ABCA9: variants seen among roughly 807,000 people sequenced by gnomAD.
The protein encoded by ABCA9 is ATP binding cassette subfamily A member 9, also known as ATP-binding cassette sub-family A member 9.
In ABCA9, 183 loss-of-function variants were observed where a neutral mutation model predicts 205.3. That is an observed-to-expected ratio of 0.89 (90% CI 0.79 to 1.01). The LOEUF (loss-of-function observed/expected upper bound fraction) is 1.01. Ranked by LOEUF, ABCA9 falls within the 50% of genes least tolerant of loss-of-function variation. The pLI, the probability that ABCA9 is intolerant of heterozygous loss-of-function variation, is 0.00. For missense variants in ABCA9, 1,805 were observed against 1,912.4 expected, an observed-to-expected ratio of 0.94 and a Z score of 1.05; for synonymous variants, 651 against 683.3, an observed-to-expected ratio of 0.95 and a Z score of 0.74.
chr17:68,984,253 G>C, intron 34 of ABCA9, 78 bp from the exon 35 acceptor site: 1 of 1,566,020 alleles, frequency 6.4e-7, no homozygotes, highest in Non-Finnish European at 8.7e-7. Flanking sequence ...AGTTTCCATC[G>C]ACGCAAAGAT....
At chr17:69,061,178 T>A (rs72559413), upstream of ABCA9, 1 of 983,468 alleles carries the variant, frequency 1.0e-6, no homozygotes, top group East Asian at 1.1e-4. Flanking sequence ...TTAGGAACTA[T>A]CAAACCAAGG....
intron 37 of ABCA9, among the ~76,000 whole-genome samples, chr17:68,979,625 T>C (rs71480258): frequency 0.018 from 2,703 of 151,968 alleles, 89 homozygotes; most frequent in African/African-American, 0.06. Context: ...TCAGAAATAA[T>C]GCCACATATC....
chr17:69,032,422 GACACAC>G (rs1335902452), intron 9 of ABCA9, 146 bp from the exon 10 acceptor site: 1 of 705,758 alleles, frequency 1.4e-6, no homozygotes, highest in African/African-American at 1.8e-5. Flanking sequence ...ATGTGCTTTT[GACACAC>G]ACAGAACAGT....
At chr17:69,027,557 G>A (rs1223094182) in intron 13 of ABCA9, 83 bp downstream of exon 13, 1 of 1,558,706 alleles carries the variant, frequency 6.4e-7, no homozygotes. Context: ...TTTAGATGAG[G>A]AATTATGTAT....
At chr17:68,980,815 A>T (rs1236221898) in intron 37 of ABCA9, among the ~76,000 whole-genome samples, 1 of 151,560 alleles carries the variant, frequency 6.6e-6, no homozygotes, top group South Asian at 2.1e-4. Flanking sequence ...CCTAATGTTA[A>T]ATGACGAGTT....
At chr17:69,014,966 C>T (rs917572798) in intron 22 of ABCA9, among the ~76,000 whole-genome samples, 4 of 152,094 alleles carry the variant, frequency 2.6e-5, no homozygotes, top group African/African-American at 9.7e-5. Context: ...ACATGGGTCA[C>T]CTGGGCTGTG....
chr17:69,016,436 C>G, intron 21 of ABCA9, 46 bp from the exon 22 acceptor site: 1 of 1,499,974 alleles, frequency 6.7e-7, no homozygotes, highest in East Asian at 2.5e-5. Context: ...AAAGCAAAGA[C>G]AAAATTTAAT....
intron 6 of ABCA9, among the ~76,000 whole-genome samples, chr17:69,039,283 T>C (rs557555876): frequency 6.6e-6 from 1 of 152,286 alleles, no homozygotes; most frequent in South Asian, 2.1e-4. Context: ...AGAACAAAGC[T>C]GGAGGCATCA....
chr17:69,077,026 TTTTAG>T, the ABCA9 span, among the ~76,000 whole-genome samples: 1 of 152,148 alleles, frequency 6.6e-6, no homozygotes, highest in Non-Finnish European at 1.5e-5. Context: ...TCTGCACTGA[TTTTAG>T]TTATTTCTTT....
At chr17:69,022,180 TA>T (rs1207196945) in intron 17 of ABCA9, 2 of 153,278 alleles carry the variant, frequency 1.3e-5, no homozygotes, top group Admixed American at 6.5e-5. Flanking sequence ...TTCAACTAAT[TA>T]AAAAAATATT....
In ABCA9 at chr17:68,982,551, G is replaced by A. The variant is rs573643226; in HGVS notation, c.4720+11C>T. 1 of 1,608,154 alleles carries A rather than the reference G, an allele frequency of 6.2e-7. No individual in the cohort carries two copies. Among genetic ancestry groups the A allele is most frequent in the African/African-American group, 1.3e-5 (1 of 74,898 alleles). On this transcript the variant is annotated intron_variant, in intron 37 of 38. Transcript: ENST00000340001. ...TTTCCCAGAGTTTTGTCTCTAAACA[G>A]TCACTCTTACCTATCTCTAATTTGA...
rs966613009 is a variant in ABCA9, at chr17:69,012,012, A to G, written c.3111T>C (p.Thr1037=). Residue 1037 remains threonine (T), a synonymous_variant, in exon 23 of 39, where the codon ACT becomes ACC. Coordinates refer to ENST00000340001, the MANE Select transcript of ABCA9 (RefSeq NM_080283.4). The part of the protein sequence containing the change: ...FFWIPMAASF[T]PYIAMSSIGD... The stretch of plus-strand genomic sequence containing the variant: ...CAATGCTGCTCATTGCAATGTATGG[A>G]GTGAAAGAGGCTGCCATCGGTATCC... The G allele has an allele frequency of 3.7e-6, 6 of 1,612,962 alleles. No individual in the cohort carries two copies.
the ABCA9 span, among the ~76,000 whole-genome samples, chr17:69,078,069 T>TA: frequency 7.9e-5 from 12 of 152,090 alleles, no homozygotes; most frequent in East Asian, 1.9e-4. Flanking sequence ...ATGCAAAATT[T>TA]AAAAAATCTG....
rs1332540021 is a variant in ABCA9 at position 69,016,269 on chromosome 17, C to T, written c.3023G>A (p.Arg1008Lys). ...FNSSEHIQTD[R>K]STFFEEHMDY... Reference sequence around the variant, plus strand: ...TATACTTACTTCAAAAAATGTGCTTCTGTCAGTCTGAATGTGTTCTGACGA... The same window carrying T: ...TATACTTACTTCAAAAAATGTGCTTTTGTCAGTCTGAATGTGTTCTGACGA... Residue 1008 changes from arginine to lysine, a missense_variant, in exon 22 of 39, where the codon AGA (arginine) becomes AAA (lysine). By Grantham distance (26) the Arg-to-Lys change is conservative. Transcript: ENST00000340001. 2.5e-6 allele frequency: 4 copies of T among 1,579,424 alleles called. No individual in the cohort carries two copies. In the Admixed American group the frequency reaches 5.8e-5, roughly 23 times the overall value.
intron 37 of ABCA9, among the ~76,000 whole-genome samples, chr17:68,981,590 T>C (rs1043817265): frequency 2.0e-5 from 3 of 151,956 alleles, no homozygotes; most frequent in Non-Finnish European, 4.4e-5. Context: ...AAAAACCTAT[T>C]TGGGTGATCC....
intron 18 of ABCA9, among the ~76,000 whole-genome samples, chr17:69,021,246 A>G (rs1407141546): frequency 1.2e-4 from 18 of 152,138 alleles, no homozygotes; most frequent in Admixed American, 1.2e-3. Flanking sequence ...TAAAGAGCAC[A>G]GTAAAGAGTA....
chr17:68,984,683 C>T (rs369305209), intron 34 of ABCA9, among the ~76,000 whole-genome samples: 9 of 152,156 alleles, frequency 5.9e-5, no homozygotes, highest in African/African-American at 1.2e-4. Flanking sequence ...AAAAATTATT[C>T]GAGCAAATAT....
chr17:69,007,522 A>G (rs1396945755), intron 25 of ABCA9, among the ~76,000 whole-genome samples: 1 of 152,236 alleles, frequency 6.6e-6, no homozygotes, highest in Non-Finnish European at 1.5e-5. Context: ...AATTGCTAGA[A>G]GCAGAAGTCT....
At chr17:68,999,490 T>G (rs1598350203) in intron 25 of ABCA9, among the ~76,000 whole-genome samples, 1 of 138,538 alleles carries the variant, frequency 7.2e-6, no homozygotes, top group South Asian at 2.5e-4. Flanking sequence ...TATTCCATGG[T>G]GTATATGTGC....
Sources: gnomAD v4.1 joint callset for allele counts (sites outside exome capture counted in the v4.1 genomes callset) on GRCh38, gnomAD v4.1.1 for gene constraint, MANE v1.5 for transcripts, NCBI Gene and HGNC (gene_info 2026-07-23, HGNC 2026-07-21) for gene names.